The following PEAK1 variants were observed in gnomAD, a reference collection of about 807,000 sequenced individuals.
PEAK1 encodes the protein inactive tyrosine-protein kinase PEAK1.
In PEAK1, 54 loss-of-function variants were observed where a neutral mutation model predicts 124.7. The observed-to-expected ratio is 0.43, with a 90% CI of 0.35 to 0.54. The LOEUF (loss-of-function observed/expected upper bound fraction) is 0.54. Ranked by LOEUF, PEAK1 falls within the 20% of genes least tolerant of loss-of-function variation. PEAK1 has a pLI of 0.01. For synonymous variants in PEAK1, 719 were observed against 760.0 expected, an observed-to-expected ratio of 0.95 and a Z score of 0.89; for missense variants, 2,046 against 2,134.5, an observed-to-expected ratio of 0.96 and a Z score of 0.82.
chr15:77,184,600 C>G (rs2057444285), intron 6 of PEAK1, among the ~76,000 whole-genome samples: 1 of 152,168 alleles, frequency 6.6e-6, no homozygotes, highest in African/African-American at 2.4e-5. Context: ...TCAAAACTCA[C>G]AGAACCGGCA....
At chr15:77,136,193 T>G (rs1313921314) in intron 8 of PEAK1, among the ~76,000 whole-genome samples, 1 of 152,196 alleles carries the variant, frequency 6.6e-6, no homozygotes. Flanking sequence ...ACTCTTGTTA[T>G]GTTTTAGCAA....
At chr15:77,140,732 TTG>T (rs1157673492) in intron 8 of PEAK1, among the ~76,000 whole-genome samples, 2 of 152,092 alleles carry the variant, frequency 1.3e-5, no homozygotes, top group East Asian at 3.9e-4. Context: ...TTCTTTTTCT[TTG>T]TGTCTTTTTT....
At chr15:77,247,427 T>A (rs906837630) in intron 6 of PEAK1, among the ~76,000 whole-genome samples, 2 of 151,720 alleles carry the variant, frequency 1.3e-5, no homozygotes, top group Non-Finnish European at 2.9e-5. Context: ...AACCACTGAG[T>A]AATTATATGG....
chr15:77,252,920 C>G (rs1328282514), intron 5 of PEAK1, among the ~76,000 whole-genome samples: 1 of 152,168 alleles, frequency 6.6e-6, no homozygotes, highest in African/African-American at 2.4e-5. Flanking sequence ...AAAGACCTCT[C>G]TAAAATATTG....
At chr15:77,298,645 T>A (rs1465046577) in intron 2 of PEAK1, among the ~76,000 whole-genome samples, 1 of 152,162 alleles carries the variant, frequency 6.6e-6, no homozygotes, top group Non-Finnish European at 1.5e-5. Flanking sequence ...TTTCTAAAAA[T>A]TTTTATTCAC....
chr15:77,281,481 G>A (rs2062672063), intron 5 of PEAK1, among the ~76,000 whole-genome samples: 2 of 151,988 alleles, frequency 1.3e-5, no homozygotes, highest in Admixed American at 6.6e-5. Flanking sequence ...AAAATGTTCT[G>A]TTTATATATA....
rs2060105310 is a variant in PEAK1, at chr15:77,236,008, G to A, written c.-115+16359C>T. On this transcript the variant is annotated intron_variant, in intron 6 of 9. Coordinates refer to ENST00000682557, the MANE Select transcript of PEAK1 (RefSeq NM_001385026.1). The stretch of plus-strand genomic sequence containing the variant: ...AACCTCTGCCTAGATTTCAGAGGAT[G>A]TACAGAAACACTCGGATATCCAGGC... Among the ~76,000 whole-genome samples the A allele has an allele frequency of 2.0e-5, 3 of 152,264 alleles. No individual in the cohort carries two copies. The South Asian group carries it at 6.2e-4, about 31-fold the overall frequency.
chr15:77,374,934 A>C (rs2068895023), intron 1 of PEAK1, among the ~76,000 whole-genome samples: 1 of 152,206 alleles, frequency 6.6e-6, no homozygotes, highest in South Asian at 2.1e-4. Flanking sequence ...CAAATTAAGA[A>C]AAACCATTCT....
intron 5 of PEAK1, among the ~76,000 whole-genome samples, chr15:77,272,381 A>C (rs571690355): frequency 6.6e-6 from 1 of 152,344 alleles, no homozygotes; most frequent in East Asian, 1.9e-4. Flanking sequence ...TAACCAAGAA[A>C]GAAGAGAGAA....
intron 8 of PEAK1, among the ~76,000 whole-genome samples, chr15:77,154,681 G>C (rs2054963031): frequency 6.6e-6 from 1 of 152,092 alleles, no homozygotes; most frequent in Non-Finnish European, 1.5e-5. Context: ...GGCAGGCCTG[G>C]TGGTGACAAA....
intron 6 of PEAK1, among the ~76,000 whole-genome samples, chr15:77,207,132 T>C (rs1330667062): frequency 6.6e-6 from 1 of 152,136 alleles, no homozygotes; most frequent in African/African-American, 2.4e-5. Flanking sequence ...GATTAAAGAC[T>C]TAAACGTTAG....
At chr15:77,148,391 A>G (rs1392510300) in intron 8 of PEAK1, among the ~76,000 whole-genome samples, 2 of 152,202 alleles carry the variant, frequency 1.3e-5, no homozygotes, top group African/African-American at 4.8e-5. Flanking sequence ...GGCAGATCTT[A>G]AGGAACTGGA....
rs528128193 is a variant in PEAK1, at chr15:77,186,601, T to C, written c.-114-4561A>G. Among the ~76,000 whole-genome samples, 287 of 152,202 alleles carry C rather than the reference T, an allele frequency of 1.9e-3. 1 individual carries two copies. Among genetic ancestry groups the C allele is most frequent in the Non-Finnish European group, 2.5e-3 (173 of 68,002 alleles). Reference sequence around the variant, plus strand: ...AACAAACCTGCACATTGTGCACATGTACCCTAAAACTTAAAGTATAATAAT... The same window carrying C: ...AACAAACCTGCACATTGTGCACATGCACCCTAAAACTTAAAGTATAATAAT... On this transcript the variant is annotated intron_variant, in intron 6 of 9. Coordinates refer to ENST00000682557, the MANE Select transcript of PEAK1 (RefSeq NM_001385026.1).
chr15:77,277,765 T>C (rs897912620), intron 5 of PEAK1, among the ~76,000 whole-genome samples: 8 of 152,102 alleles, frequency 5.3e-5, no homozygotes, highest in South Asian at 2.1e-4. Flanking sequence ...AAAGGCAGCA[T>C]AGTGTATGAT....
At chr15:77,236,542 G>A (rs1310889742) in intron 6 of PEAK1, among the ~76,000 whole-genome samples, 2 of 152,160 alleles carry the variant, frequency 1.3e-5, no homozygotes, top group African/African-American at 4.8e-5. Flanking sequence ...GACTTTACAG[G>A]CTCATAGGTG....
At chr15:77,161,938 C>CCTGGGT (rs2055680447) in intron 7 of PEAK1, among the ~76,000 whole-genome samples, 1 of 134,206 alleles carries the variant, frequency 7.5e-6, no homozygotes, top group South Asian at 2.3e-4. Context: ...TGCACTCCAG[C>CCTGGGT]CTGGGTGACA....
downstream of PEAK1, chr15:77,105,185 C>G (rs2050735179): frequency 6.6e-6 from 1 of 152,276 alleles, no homozygotes; most frequent in South Asian, 2.1e-4. Context: ...CCCCCACTTC[C>G]TGCATGAGAG....
chr15:77,401,569 T>C (rs2071379296), intron 1 of PEAK1: 1 of 979,514 alleles, frequency 1.0e-6, no homozygotes, highest in Non-Finnish European at 1.2e-6. Context: ...AACACAAAAA[T>C]TGTAGCTTAT....
At chr15:77,218,654 T>C (rs1426184191) in intron 6 of PEAK1, among the ~76,000 whole-genome samples, 2 of 152,108 alleles carry the variant, frequency 1.3e-5, no homozygotes, top group Non-Finnish European at 2.9e-5. Context: ...ACAATTATAG[T>C]GCACTAAAGC....
Sources: allele counts gnomAD v4.1 joint callset (sites outside exome capture counted in the v4.1 genomes callset), GRCh38; gene constraint gnomAD v4.1.1; transcripts MANE v1.5; gene names NCBI Gene and HGNC (gene_info 2026-07-23, HGNC 2026-07-21).